SYN3: variants seen among roughly 807,000 people sequenced by gnomAD.
SYN3 encodes synapsin III, also known as synapsin-3.
A neutral mutation model predicts 65.8 loss-of-function variants in SYN3; 35 were observed. The observed-to-expected ratio is 0.53, with a 90% confidence interval of 0.41 to 0.70. The LOEUF (loss-of-function observed/expected upper bound fraction) is 0.70. SYN3 is among the 30% of genes least tolerant of loss of function. The probability of loss-of-function intolerance (pLI) is 0.00; values close to 1 mark genes in which losing one functional copy is unlikely to be tolerated. For missense variants in SYN3, 680 were observed against 749.0 expected, an observed-to-expected ratio of 0.91 and a Z score of 1.08; for synonymous variants, 270 against 292.9, an observed-to-expected ratio of 0.92 and a Z score of 0.80.
intron 1 of SYN3, among the ~76,000 whole-genome samples, chr22:33,007,481 G>T (rs2053226140): frequency 6.6e-6 from 1 of 152,150 alleles, no homozygotes; most frequent in Admixed American, 6.5e-5. Context: ...TGAAGATAAT[G>T]CTGAATATGA....
intron 1 of SYN3, among the ~76,000 whole-genome samples, chr22:33,037,255 G>T (rs940356558): frequency 1.3e-5 from 2 of 152,100 alleles, no homozygotes; most frequent in Non-Finnish European, 2.9e-5. Flanking sequence ...GGCTCAGAAA[G>T]GTGGCGTCAC....
intron 6 of SYN3, among the ~76,000 whole-genome samples, chr22:32,713,037 C>T (rs935681856): frequency 2.6e-5 from 4 of 152,164 alleles, no homozygotes; most frequent in African/African-American, 9.7e-5. Flanking sequence ...TGAGTGGAGA[C>T]ACTGTATTTT....
intron 7 of SYN3, among the ~76,000 whole-genome samples, chr22:32,554,159 C>G (rs956547292): frequency 5.9e-5 from 9 of 152,190 alleles, no homozygotes; most frequent in African/African-American, 1.4e-4. Context: ...GTCTGGCCAT[C>G]TCTCTTTTGC....
intron 3 of SYN3, among the ~76,000 whole-genome samples, chr22:32,959,140 G>A (rs948886258): frequency 9.9e-5 from 15 of 152,072 alleles, no homozygotes; most frequent in Middle Eastern, 3.4e-3. Flanking sequence ...TGAATCATGG[G>A]GTTAGTTCCC....
At chr22:32,586,094 A>ATACATG (rs2059035820) in intron 7 of SYN3, among the ~76,000 whole-genome samples, 1 of 145,014 alleles carries the variant, frequency 6.9e-6, no homozygotes, top group South Asian at 2.1e-4. Flanking sequence ...GTATATATGT[A>ATACATG]TATATGTATA....
At chr22:32,792,091 A>T (rs1443690579) in intron 6 of SYN3, among the ~76,000 whole-genome samples, 1 of 152,224 alleles carries the variant, frequency 6.6e-6, no homozygotes, top group African/African-American at 2.4e-5. Flanking sequence ...TGTGCCAGGC[A>T]CTGTGCCATG....
chr22:32,756,554 G>A (rs1569199635), intron 6 of SYN3, among the ~76,000 whole-genome samples: 1 of 152,226 alleles, frequency 6.6e-6, no homozygotes, highest in Non-Finnish European at 1.5e-5. Context: ...ACGTTGAGAT[G>A]TAATCCCAGT....
intron 6 of SYN3, among the ~76,000 whole-genome samples, chr22:32,770,939 G>A (rs965473743): frequency 7.9e-5 from 12 of 151,110 alleles, no homozygotes; most frequent in Admixed American, 4.6e-4. Flanking sequence ...TGTGCAGAAC[G>A]TGCAGGTTCG....
intron 7 of SYN3, among the ~76,000 whole-genome samples, chr22:32,545,279 G>A (rs1371237317): frequency 6.6e-6 from 1 of 152,208 alleles, no homozygotes; most frequent in Non-Finnish European, 1.5e-5. Context: ...GAGAAAGAAA[G>A]TCCTAGTTTG....
intron 1 of SYN3, among the ~76,000 whole-genome samples, chr22:33,009,616 C>G (rs2053296475): frequency 1.3e-5 from 2 of 151,746 alleles, no homozygotes; most frequent in African/African-American, 2.4e-5. Context: ...TAAAACAACT[C>G]TTAAAAAAGT....
intron 3 of SYN3, among the ~76,000 whole-genome samples, chr22:32,932,237 C>G (rs1041643749): frequency 2.3e-5 from 3 of 132,290 alleles, no homozygotes; most frequent in East Asian, 2.7e-4. Flanking sequence ...ACCCACCCCC[C>G]ACCCTGGTCA....
chr22:32,524,854 CA>C (rs1232971533), intron 12 of SYN3, among the ~76,000 whole-genome samples: 1 of 151,986 alleles, frequency 6.6e-6, no homozygotes, highest in African/African-American at 2.4e-5. Context: ...ACTAAAAATA[CA>C]AAAATTAGCT....
In SYN3 at chr22:32,511,592, G is replaced by A. The variant is rs115053261; in HGVS notation, c.*2100C>T. ...AACATGGAACTCAGCCGAGCATGGA[G>A]ACAGAGTAAGGGTGGTGGGCTTTTT... On this transcript the variant is annotated 3_prime_UTR_variant, in exon 14 of 14. Coordinates refer to ENST00000358763, the MANE Select transcript of SYN3 (RefSeq NM_003490.4). 5.9e-5 allele frequency among the ~76,000 whole-genome samples: 9 copies of A among 152,352 alleles called. No homozygotes were observed. Among genetic ancestry groups the A allele is most frequent in the African/African-American group, 1.9e-4 (8 of 41,580 alleles).
At chr22:32,976,677 C>G (rs1369573488) in intron 3 of SYN3, among the ~76,000 whole-genome samples, 1 of 152,148 alleles carries the variant, frequency 6.6e-6, no homozygotes, top group African/African-American at 2.4e-5. Context: ...GTAGGGCATT[C>G]TGGGTAATAG....
At chr22:32,717,524 G>A (rs959892517) in intron 6 of SYN3, among the ~76,000 whole-genome samples, 2 of 152,156 alleles carry the variant, frequency 1.3e-5, no homozygotes, top group Non-Finnish European at 2.9e-5. Flanking sequence ...AGGAGTGGGG[G>A]ACCAGGTCTG....
intron 6 of SYN3, among the ~76,000 whole-genome samples, chr22:32,830,837 G>A (rs2047552194): frequency 6.6e-6 from 1 of 152,160 alleles, no homozygotes; most frequent in Non-Finnish European, 1.5e-5. Flanking sequence ...GGTGTTTCCT[G>A]CAAATCCTGC....
At chr22:32,975,442 G>T (rs760840138) in intron 3 of SYN3, among the ~76,000 whole-genome samples, 2 of 151,414 alleles carry the variant, frequency 1.3e-5, no homozygotes, top group East Asian at 3.9e-4. Flanking sequence ...CAGCCCATCA[G>T]CTTAAGGTCG....
chr22:32,687,733 C>A (rs1458116488), intron 6 of SYN3, among the ~76,000 whole-genome samples: 5 of 68,982 alleles, frequency 7.2e-5, no homozygotes, highest in Admixed American at 1.9e-4. Context: ...CTGTTTTCCT[C>A]CTCGCTTCAA....
Position 33,035,342 on chromosome 22 carries a change from C to CA in SYN3, c.-163+22949_-163+22950insT, listed in dbSNP as rs1476227654. On this transcript the variant is annotated intron_variant, in intron 1 of 13. Transcript: ENST00000358763. ...TAAAAATCTCGGGACCCCCCCCCCC[C>CA]CCGCCACCAAACTTCTTATGCAAAA... Among the ~76,000 whole-genome samples the CA allele has an allele frequency of 9.2e-5, 10 of 109,184 alleles. No individual in the cohort carries two copies. In the East Asian group the frequency reaches 1.3e-3, roughly 15 times the overall value. 71.6% of individuals were successfully genotyped at this position (109,184 alleles called of 152,430 possible).
Sources: allele counts gnomAD v4.1 joint callset (sites outside exome capture counted in the v4.1 genomes callset), GRCh38; gene constraint gnomAD v4.1.1; transcripts MANE v1.5; gene names NCBI Gene and HGNC (gene_info 2026-07-23, HGNC 2026-07-21).